Variants in VWA8 observed in about 807,000 individuals in gnomAD.
VWA8 encodes von Willebrand factor A domain-containing protein 8.
VWA8 carries 221 observed loss-of-function variants against 241.5 expected under a neutral mutation model. The observed-to-expected ratio is 0.91, with a 90% CI of 0.82 to 1.02. The LOEUF (loss-of-function observed/expected upper bound fraction) is 1.02. Among genes scored for constraint, VWA8 ranks in the 50% least tolerant of loss-of-function variants. The pLI, the probability that VWA8 is intolerant of heterozygous loss-of-function variation, is 0.00. For synonymous variants in VWA8, 852 were observed against 827.1 expected (o/e 1.03, Z -0.52); for missense variants, 2,322 against 2,328.7 (o/e 1.00, Z 0.06).
intron 27 of VWA8, among the ~76,000 whole-genome samples, chr13:41,702,492 CAT>C (rs1192701510): frequency 1.3e-5 from 2 of 152,238 alleles, no homozygotes; most frequent in Non-Finnish European, 2.9e-5. Context: ...TGGATTACCA[CAT>C]GTCTGGGTGT....
At chr13:41,894,095 AG>A (rs1222120391) in intron 4 of VWA8, among the ~76,000 whole-genome samples, 1 of 152,244 alleles carries the variant, frequency 6.6e-6, no homozygotes, top group Non-Finnish European at 1.5e-5. Flanking sequence ...AAAACTCCAT[AG>A]GGATGAAAAC....
intron 17 of VWA8, 33 bp from the exon 18 acceptor site, chr13:41,787,576 GC>G (rs1869259472): frequency 7.2e-7 from 1 of 1,383,620 alleles, no homozygotes; most frequent in Non-Finnish European, 1.0e-6. Context: ...GGGGGAAATG[GC>G]TTAAGTCAAA....
chr13:41,865,349 A>T (rs1873240169), intron 12 of VWA8: 2 of 382,782 alleles, frequency 5.2e-6, no homozygotes, highest in South Asian at 1.9e-5. Context: ...TAGCTATTTT[A>T]AAATATACAA....
chr13:41,850,345 T>C (rs1872477320), intron 12 of VWA8, among the ~76,000 whole-genome samples: 1 of 152,178 alleles, frequency 6.6e-6, no homozygotes, highest in Admixed American at 6.5e-5. Context: ...TAGTTCCCTG[T>C]GGACCCAGTC....
intron 17 of VWA8, among the ~76,000 whole-genome samples, chr13:41,803,259 C>T (rs746596553): frequency 3.3e-5 from 5 of 152,108 alleles, no homozygotes; most frequent in African/African-American, 7.2e-5. Context: ...TCTTCAATGC[C>T]CAGACAACAA....
chr13:41,887,469 G>T, intron 5 of VWA8, 108 bp from the exon 6 acceptor site: 4 of 1,200,152 alleles, frequency 3.3e-6, no homozygotes, highest in Non-Finnish European at 4.6e-6. Context: ...AAACTGTATT[G>T]GAGAACACTC....
intron 19 of VWA8, among the ~76,000 whole-genome samples, chr13:41,782,691 G>T (rs968196419): frequency 3.3e-5 from 5 of 151,846 alleles, no homozygotes; most frequent in Non-Finnish European, 7.4e-5. Context: ...TTTTTATTAA[G>T]AATAATATGT....
chr13:41,893,073 A>C (rs1449104187), intron 4 of VWA8, among the ~76,000 whole-genome samples: 1 of 152,130 alleles, frequency 6.6e-6, no homozygotes, highest in Non-Finnish European at 1.5e-5. Context: ...TTAAAATTTA[A>C]TTTTCCCTAT....
chr13:41,625,997 C>T (rs960284965), intron 37 of VWA8, among the ~76,000 whole-genome samples: 19 of 149,126 alleles, frequency 1.3e-4, no homozygotes, highest in Non-Finnish European at 2.8e-4. Flanking sequence ...AAACCAAACA[C>T]CGCATGTTCT....
At chr13:41,632,044 G>A (rs777161562) in intron 37 of VWA8, among the ~76,000 whole-genome samples, 6 of 152,050 alleles carry the variant, frequency 3.9e-5, no homozygotes, top group Non-Finnish European at 8.8e-5. Context: ...TCAATACTAT[G>A]GTAAATTAAA....
chr13:41,735,551 GA>G (rs1438661995), intron 21 of VWA8, among the ~76,000 whole-genome samples: 2 of 152,088 alleles, frequency 1.3e-5, no homozygotes, highest in East Asian at 1.9e-4. Context: ...GTGAGAAAGA[GA>G]AATTCATAGG....
intron 35 of VWA8, among the ~76,000 whole-genome samples, chr13:41,683,540 C>T (rs969446625): frequency 2.0e-5 from 3 of 152,124 alleles, no homozygotes; most frequent in African/African-American, 7.2e-5. Context: ...CTGTTTGTGT[C>T]TGCCAAACTC....
chr13:41,800,639 A>G (rs913267482), intron 17 of VWA8, among the ~76,000 whole-genome samples: 4 of 151,712 alleles, frequency 2.6e-5, no homozygotes, highest in Non-Finnish European at 5.9e-5. Flanking sequence ...ATACAAAAAA[A>G]AAAATCAGCC....
At chr13:41,823,918 G>A (rs1157213095) in intron 14 of VWA8, among the ~76,000 whole-genome samples, 6 of 152,172 alleles carry the variant, frequency 3.9e-5, no homozygotes, top group African/African-American at 1.4e-4. Context: ...ACTGCTAGAA[G>A]CTGTTAATTA....
intron 9 of VWA8, among the ~76,000 whole-genome samples, chr13:41,883,061 C>T (rs989989146): frequency 1.7e-4 from 26 of 152,190 alleles, no homozygotes; most frequent in East Asian, 1.2e-3. Flanking sequence ...GTTATAAATC[C>T]CTCATCCAAC....
At chr13:41,952,024 G>C (rs919819399) in intron 1 of VWA8, among the ~76,000 whole-genome samples, 1 of 152,144 alleles carries the variant, frequency 6.6e-6, no homozygotes, top group African/African-American at 2.4e-5. Flanking sequence ...AGCCTGCAAA[G>C]CTCCTCCATA....
At chr13:41,797,554 TA>T (rs1397895325) in intron 17 of VWA8, among the ~76,000 whole-genome samples, 1 of 152,208 alleles carries the variant, frequency 6.6e-6, no homozygotes, top group Non-Finnish European at 1.5e-5. Context: ...ACTCTCATTA[TA>T]ACTGTTGATT....
At chr13:41,927,582 A>G (rs1593876235) in intron 2 of VWA8, among the ~76,000 whole-genome samples, 4 of 152,156 alleles carry the variant, frequency 2.6e-5, no homozygotes, top group African/African-American at 9.7e-5. Context: ...AAGCCTCATC[A>G]TACCTGCAAA....
At chr13:41,910,458 G>T (rs1219941968) in intron 3 of VWA8, among the ~76,000 whole-genome samples, 1 of 151,826 alleles carries the variant, frequency 6.6e-6, no homozygotes, top group Admixed American at 6.6e-5. Flanking sequence ...GGTGGCATGC[G>T]TCAGTAGTCC....
Sources: allele counts gnomAD v4.1 joint callset (sites outside exome capture counted in the v4.1 genomes callset), GRCh38; gene constraint gnomAD v4.1.1; transcripts MANE v1.5; gene names NCBI Gene and HGNC (gene_info 2026-07-23, HGNC 2026-07-21).